Variants in CLSPN observed in about 807,000 individuals in gnomAD.
CLSPN encodes claspin.
Under a neutral mutation model 156.3 loss-of-function variants are expected in CLSPN, and 85 were observed. The ratio of observed to expected loss-of-function variants is 0.54; its 90% CI spans 0.46 to 0.65. The LOEUF is 0.65. CLSPN is among the 30% of genes least tolerant of loss of function. The pLI, the probability that CLSPN is intolerant of heterozygous loss-of-function variation, is 0.00. For synonymous variants in CLSPN, 534 were observed against 542.4 expected, an observed-to-expected ratio of 0.98 and a Z score of 0.22; for missense variants, 1,407 against 1,554.9, an observed-to-expected ratio of 0.90 and a Z score of 1.60.
Position 35,732,162 on chromosome 1 carries a change from C to T in CLSPN, c.*4334G>A, listed in dbSNP as rs1641332279. On this transcript the variant is annotated 3_prime_UTR_variant, in exon 25 of 25. Transcript: ENST00000318121. Reference sequence around the variant, plus strand: ...AACTGTGGTAGGCACCACTACATTCCAAGCTGTGTGCCAGGCGATGAGTAG... The same window carrying T: ...AACTGTGGTAGGCACCACTACATTCTAAGCTGTGTGCCAGGCGATGAGTAG... The T allele has an allele frequency of 2.0e-6, 2 of 985,270 alleles. No individual in the cohort carries two copies. The highest frequency in any genetic ancestry group is 9.4e-5 in the South Asian group (2 of 21,282). 61.0% of individuals were successfully genotyped at this position (985,270 alleles called of 1,614,324 possible). A position where few individuals can be genotyped will look rare whatever the true frequency, so the allele number is the denominator to read the frequency against.
downstream of CLSPN, among the ~76,000 whole-genome samples, chr1:35,728,844 G>T (rs1383387716): frequency 6.6e-6 from 1 of 151,548 alleles, no homozygotes; most frequent in Non-Finnish European, 1.5e-5. Flanking sequence ...AAATGAAGGA[G>T]GGAGTATGCT....
Position 35,732,211 on chromosome 1 carries a change from A to T in CLSPN, c.*4285T>A, listed in dbSNP as rs553372239. 1 of 985,338 alleles carries T rather than the reference A, an allele frequency of 1.0e-6. No homozygotes were observed. Among genetic ancestry groups the T allele is most frequent in the African/African-American group, 1.7e-5 (1 of 57,324 alleles). 61.0% of individuals were successfully genotyped at this position (985,338 alleles called of 1,614,324 possible). ...AGGATATAAGGGTAGAAGATACAAT[A>T]CCATCTCAAGGATGACATAATCAAA... On this transcript the variant is annotated 3_prime_UTR_variant, in exon 25 of 25. Coordinates refer to ENST00000318121, the MANE Select transcript of CLSPN (RefSeq NM_022111.4).
At position 35,769,708 on chromosome 1, in the gene CLSPN, G is replaced by A. The variant is rs994388951; in HGVS notation, c.24+139C>T. ...CATCCCGGCCGAGTCTCGAGGCCGCGGGAGCCGGCGCGGCGAACGCCGGGA... is the reference window on the plus strand; with the variant it reads ...CATCCCGGCCGAGTCTCGAGGCCGCAGGAGCCGGCGCGGCGAACGCCGGGA... On this transcript the variant is annotated intron_variant, in intron 1 of 24. Coordinates refer to ENST00000318121, the MANE Select transcript of CLSPN (RefSeq NM_022111.4). 8.2e-6 allele frequency: 6 copies of A among 735,882 alleles called. No individual in the cohort carries two copies. The Admixed American group carries it at 1.7e-4, about 21-fold the overall frequency. The allele number at this position is 735,882 out of a possible 1,614,324, so 45.6% of individuals were successfully genotyped here. A position where few individuals can be genotyped will look rare whatever the true frequency, so the allele number is the denominator to read the frequency against.
At chr1:35,728,670 A>G (rs1641247435), downstream of CLSPN, among the ~76,000 whole-genome samples, 1 of 151,816 alleles carries the variant, frequency 6.6e-6, no homozygotes, top group African/African-American at 2.4e-5. Context: ...TAACCTGCCC[A>G]CTCTGTGTAA....
intron 16 of CLSPN, among the ~76,000 whole-genome samples, chr1:35,744,806 C>T (rs982036991): frequency 2.0e-5 from 3 of 152,034 alleles, no homozygotes; most frequent in African/African-American, 7.2e-5. Context: ...ATCATATGGT[C>T]ATTCTATTTT....
intron 3 of CLSPN, among the ~76,000 whole-genome samples, chr1:35,763,773 A>AT (rs773656963): frequency 4.6e-5 from 7 of 151,100 alleles, no homozygotes; most frequent in Admixed American, 6.7e-5. Flanking sequence ...AATAAGACCA[A>AT]TAAGTTTTGT....
Position 35,732,425 on chromosome 1 carries a change from T to TTCTCATTTCTCAAC in CLSPN, c.*4070_*4071insGTTGAGAAATGAGA, listed in dbSNP as rs2148609496. The TTCTCATTTCTCAAC allele has an allele frequency of 1.0e-6, 1 of 985,300 alleles. No individual in the cohort carries two copies. The highest frequency in any genetic ancestry group is 4.7e-5 in the South Asian group (1 of 21,280). The allele number at this position is 985,300 out of a possible 1,614,324, so 61.0% of individuals were successfully genotyped here. A position where few individuals can be genotyped will look rare whatever the true frequency, so the allele number is the denominator to read the frequency against. ...TGAGGAGAAGTTTGTAGAGAAGCAG[T>TTCTCATTTCTCAAC]TGAGAAAATGAGGGATGCCACAGAG... On this transcript the variant is annotated 3_prime_UTR_variant, in exon 25 of 25. Transcript: ENST00000318121.
chr1:35,763,925 G>A (rs988402705), intron 3 of CLSPN, among the ~76,000 whole-genome samples: 3 of 151,666 alleles, frequency 2.0e-5, no homozygotes, highest in Admixed American at 6.6e-5. Flanking sequence ...CTCCCAAGTA[G>A]TTGGGACTAC....
At chr1:35,732,102 A>G (rs1641330383), downstream of CLSPN, 1 of 956,376 alleles carries the variant, frequency 1.0e-6, no homozygotes, top group Non-Finnish European at 1.2e-6. Flanking sequence ...CATTTTATAA[A>G]CAGAGGCTCT....
chr1:35,740,192 C>A (rs1280046172), intron 18 of CLSPN, among the ~76,000 whole-genome samples: 1 of 152,154 alleles, frequency 6.6e-6, no homozygotes, highest in African/African-American at 2.4e-5. Flanking sequence ...AAACTGGGAT[C>A]TTCTTACAGC....
chr1:35,730,312 G>A (rs1641283552), downstream of CLSPN, among the ~76,000 whole-genome samples: 1 of 152,056 alleles, frequency 6.6e-6, no homozygotes, highest in African/African-American at 2.4e-5. Context: ...GGGAGCCTGA[G>A]GTAGCTGGAT....
At position 35,763,224 on chromosome 1, in the gene CLSPN, A is replaced by C; in HGVS notation, c.680T>G (p.Leu227Trp). ...TGLEDENNSP[L>W]EDEESLESIR... ...TGATTCTAATGACTCTTCATCTTCCAATGGAGAGTTATTTTCATCCTCCAA... is the reference window on the plus strand; with the variant it reads ...TGATTCTAATGACTCTTCATCTTCCCATGGAGAGTTATTTTCATCCTCCAA... Residue 227 changes from leucine to tryptophan, a missense_variant, in exon 4 of 25, where the codon TTG becomes TGG. Physicochemically the swap from Leu to Trp is moderately conservative, Grantham distance 61. Around this residue, in one of 3 missense-constraint regions of CLSPN, gnomAD observed 1,096 missense variants for 1,193.0 expected, o/e 0.92. Transcript: ENST00000318121. The C allele has an allele frequency of 6.2e-7, 1 of 1,609,092 alleles. No individual in the cohort carries two copies. The highest frequency in any genetic ancestry group is 8.5e-7 in the Non-Finnish European group (1 of 1,178,240).
At chr1:35,753,147 C>T (rs1571211047) in intron 9 of CLSPN, among the ~76,000 whole-genome samples, 1 of 152,166 alleles carries the variant, frequency 6.6e-6, no homozygotes, top group East Asian at 1.9e-4. Flanking sequence ...GGCTGGAGTG[C>T]AGTGCCACAA....
rs1641496268 is a variant in CLSPN, at chr1:35,736,975, A to C, written c.3848T>G (p.Phe1283Cys). Residue 1283 changes from phenylalanine to cysteine, a missense_variant, in exon 24 of 25, where the codon TTT (phenylalanine) becomes TGT (cysteine). By Grantham distance (205) the Phe-to-Cys change is radical (BLOSUM62 -2). Around this residue, in one of 3 missense-constraint regions of CLSPN, gnomAD observed 241 missense variants for 240.5 expected, o/e 1.00. Coordinates refer to ENST00000318121, the MANE Select transcript of CLSPN (RefSeq NM_022111.4). Reference protein sequence around the residue: ...NPSAPRNSRNFVFHTLSPVKA... With the variant: ...NPSAPRNSRNCVFHTLSPVKA... ...GACAGGAGAAAGTGTATGAAAGACA[A>C]AGTTTCTTGAATTTCGAGGAGCACT... The C allele has an allele frequency of 6.2e-7, 1 of 1,614,012 alleles. No homozygotes were observed. The highest frequency in any genetic ancestry group is 8.5e-7 in the Non-Finnish European group (1 of 1,180,010).
chr1:35,726,276 T>G (rs1185879715), intron 24 of CLSPN, among the ~76,000 whole-genome samples: 1 of 151,176 alleles, frequency 6.6e-6, no homozygotes, highest in Non-Finnish European at 1.5e-5. Flanking sequence ...AAATGTTTGC[T>G]GGATGAGTTA....
At chr1:35,741,755 G>A (rs900364076) in intron 18 of CLSPN, among the ~76,000 whole-genome samples, 16 of 151,164 alleles carry the variant, frequency 1.1e-4, no homozygotes, top group East Asian at 4.0e-4. Context: ...CGGGTGGATC[G>A]TGAGGTCAAG....
At chr1:35,748,953 G>A in intron 12 of CLSPN, 1 of 340,062 alleles carries the variant, frequency 2.9e-6, no homozygotes, top group Non-Finnish European at 5.6e-6. Flanking sequence ...ACCCTCCCAA[G>A]TAGCTGGGAC....
At chr1:35,737,301 T>A in intron 23 of CLSPN, 38 bp downstream of exon 23, 1 of 1,552,660 alleles carries the variant, frequency 6.4e-7, no homozygotes, top group Non-Finnish European at 8.9e-7. Context: ...TTATAACCTG[T>A]AGACTATGAT....
chr1:35,721,068 C>T, intron 24 of CLSPN: 1 of 897,246 alleles, frequency 1.1e-6, no homozygotes, highest in South Asian at 1.7e-5. Context: ...TTTCCTGCAT[C>T]TAAACTTATA....
Sources: gnomAD v4.1 joint callset for allele counts (sites outside exome capture counted in the v4.1 genomes callset) on GRCh38, gnomAD v4.1.1 for gene constraint, gnomAD v4.1.1 regional missense constraint, MANE v1.5 for transcripts, NCBI Gene and HGNC (gene_info 2026-07-23, HGNC 2026-07-21) for gene names.